The following NTM variants were observed in gnomAD, a reference collection of about 807,000 sequenced individuals.
NTM encodes the protein neurotrimin.
In NTM, 13 loss-of-function variants were observed where a neutral mutation model predicts 42.1. The observed-to-expected ratio is 0.31, with a 90% confidence interval of 0.20 to 0.49. NTM has a LOEUF of 0.49. Ranked by LOEUF, NTM falls within the 20% of genes least tolerant of loss-of-function variation. The probability of loss-of-function intolerance (pLI) is 0.99; values close to 1 mark genes in which losing one functional copy is unlikely to be tolerated. For synonymous variants in NTM, 187 were observed against 179.2 expected (o/e 1.04, Z -0.35); for missense variants, 373 against 452.8 (o/e 0.82, Z 1.60).
chr11:131,683,842 A>G (rs1325719782), intron 1 of NTM, among the ~76,000 whole-genome samples: 1 of 152,068 alleles, frequency 6.6e-6, no homozygotes, highest in Non-Finnish European at 1.5e-5. Flanking sequence ...ATGGCGTCCT[A>G]GGCTGACTTC....
intron 2 of NTM, among the ~76,000 whole-genome samples, chr11:132,067,337 T>C (rs998267673): frequency 8.5e-5 from 13 of 152,168 alleles, no homozygotes; most frequent in African/African-American, 3.1e-4. Context: ...GCAAAATACA[T>C]TTTCCCCATA....
At chr11:132,302,496 C>G (rs2094902969) in intron 4 of NTM, among the ~76,000 whole-genome samples, 1 of 152,036 alleles carries the variant, frequency 6.6e-6, no homozygotes. Flanking sequence ...GGATTGGGGC[C>G]ACAGGAGGGT....
At chr11:131,716,671 G>C (rs963601057) in intron 1 of NTM, among the ~76,000 whole-genome samples, 5 of 152,096 alleles carry the variant, frequency 3.3e-5, no homozygotes, top group Admixed American at 1.3e-4. Flanking sequence ...TGAAGTGCCT[G>C]TTCAAATATT....
chr11:131,456,121 C>A (rs1265611605), intron 1 of NTM, among the ~76,000 whole-genome samples: 1 of 152,170 alleles, frequency 6.6e-6, no homozygotes, highest in African/African-American at 2.4e-5. Context: ...GCTTAGCGTT[C>A]CAATAGTGGA....
intron 1 of NTM, among the ~76,000 whole-genome samples, chr11:131,689,485 A>C (rs898772472): frequency 3.3e-5 from 5 of 152,204 alleles, no homozygotes; most frequent in Non-Finnish European, 7.3e-5. Flanking sequence ...ATTCAACACT[A>C]TCTCAGTCCC....
chr11:131,476,146 A>G (rs1952916649), intron 1 of NTM, among the ~76,000 whole-genome samples: 1 of 152,186 alleles, frequency 6.6e-6, no homozygotes. Flanking sequence ...AACTAAATCT[A>G]TACTTACTCT....
At chr11:132,268,530 G>A (rs2093321710) in intron 4 of NTM, among the ~76,000 whole-genome samples, 1 of 152,014 alleles carries the variant, frequency 6.6e-6, no homozygotes, top group African/African-American at 2.4e-5. Flanking sequence ...CTGCCCATAT[G>A]TTTAGGTTTG....
chr11:131,448,710 G>A (rs1950253667), intron 1 of NTM, among the ~76,000 whole-genome samples: 2 of 152,206 alleles, frequency 1.3e-5, no homozygotes, highest in Non-Finnish European at 2.9e-5. Context: ...AGAGAAGGCT[G>A]CAGGCTGGAG....
chr11:131,820,657 C>T (rs1022789082), intron 1 of NTM, among the ~76,000 whole-genome samples: 7 of 152,146 alleles, frequency 4.6e-5, no homozygotes, highest in Non-Finnish European at 1.0e-4. Flanking sequence ...CATCCATTTA[C>T]ATTTCTACCA....
intron 1 of NTM, among the ~76,000 whole-genome samples, chr11:131,845,939 G>C (rs561693502): frequency 6.6e-6 from 1 of 151,994 alleles, no homozygotes; most frequent in South Asian, 2.1e-4. Flanking sequence ...AGCATTTCCT[G>C]TTTTTATCCT....
chr11:131,527,255 G>T (rs1338285712), intron 1 of NTM, among the ~76,000 whole-genome samples: 1 of 152,086 alleles, frequency 6.6e-6, no homozygotes, highest in Non-Finnish European at 1.5e-5. Flanking sequence ...AACCTGTTTG[G>T]CTGATGCCCT....
At chr11:131,783,215 A>G (rs2088502689) in intron 1 of NTM, among the ~76,000 whole-genome samples, 1 of 152,162 alleles carries the variant, frequency 6.6e-6, no homozygotes, top group Non-Finnish European at 1.5e-5. Context: ...TAAAAATCCT[A>G]TTTACAGGGT....
chr11:132,092,407 AG>A (rs2060478674), intron 2 of NTM, among the ~76,000 whole-genome samples: 1 of 152,096 alleles, frequency 6.6e-6, no homozygotes, highest in African/African-American at 2.4e-5. Flanking sequence ...GTTCTTTCCA[AG>A]GGGGAACTTT....
At chr11:131,985,177 C>T (rs1036486551) in intron 2 of NTM, among the ~76,000 whole-genome samples, 2 of 152,162 alleles carry the variant, frequency 1.3e-5, no homozygotes, top group South Asian at 4.1e-4. Context: ...CGCTTTGGCT[C>T]TTTCTATCCA....
At chr11:131,476,561 G>T (rs1952960631) in intron 1 of NTM, among the ~76,000 whole-genome samples, 1 of 152,148 alleles carries the variant, frequency 6.6e-6, no homozygotes, top group African/African-American at 2.4e-5. Flanking sequence ...ATGGGAGGAG[G>T]GGCAGGCTTA....
At chr11:132,182,229 A>G (rs1021693463) in intron 3 of NTM, among the ~76,000 whole-genome samples, 4 of 152,040 alleles carry the variant, frequency 2.6e-5, no homozygotes, top group African/African-American at 7.2e-5. Flanking sequence ...TTACAATTCT[A>G]TCTACCAAAT....
intron 1 of NTM, among the ~76,000 whole-genome samples, chr11:131,813,853 G>C (rs1473955232): frequency 2.6e-5 from 4 of 152,030 alleles, no homozygotes; most frequent in Non-Finnish European, 4.4e-5. Context: ...TCTCATAGTT[G>C]TGAGGCCTTG....
chr11:131,986,789 G>A (rs2066140578), intron 2 of NTM, among the ~76,000 whole-genome samples: 1 of 152,102 alleles, frequency 6.6e-6, no homozygotes, highest in Admixed American at 6.6e-5. Context: ...AAGAGTGCCT[G>A]ACTATAAAGG....
chr11:132,320,345 G>C (rs139785147), intron 7 of NTM, among the ~76,000 whole-genome samples: 1 of 152,186 alleles, frequency 6.6e-6, no homozygotes, highest in Non-Finnish European at 1.5e-5. Context: ...AAAGCAGGGC[G>C]AGGCATTGCC....
Sources: gnomAD v4.1 joint callset for allele counts (sites outside exome capture counted in the v4.1 genomes callset) on GRCh38, gnomAD v4.1.1 for gene constraint, MANE v1.5 for transcripts, NCBI Gene and HGNC (gene_info 2026-07-23, HGNC 2026-07-21) for gene names.